S100PBP: variants seen among roughly 807,000 people sequenced by gnomAD.
S100PBP encodes the protein S100P binding protein.
In S100PBP, 15 loss-of-function variants were observed where a neutral mutation model predicts 39.9. That is an observed-to-expected ratio of 0.38 (90% confidence interval 0.25 to 0.58). The LOEUF (loss-of-function observed/expected upper bound fraction) is 0.58. S100PBP is among the 20% of genes least tolerant of loss of function. The probability of loss-of-function intolerance (pLI) is 0.70; values close to 1 mark genes in which losing one functional copy is unlikely to be tolerated. For synonymous variants in S100PBP, 178 were observed against 180.3 expected (o/e 0.99, Z 0.10); for missense variants, 504 against 487.3 (o/e 1.03, Z -0.32).
chr1:32,856,370 C>T lies in S100PBP; in HGVS notation c.*332C>T, dbSNP rs1197362462. 1 of 168,598 alleles carries T rather than the reference C, an allele frequency of 5.9e-6. No individual in the cohort carries two copies. Among genetic ancestry groups the T allele is most frequent in the African/African-American group, 2.4e-5 (1 of 41,618 alleles). The allele number at this position is 168,598 out of a possible 1,614,324, so 10.4% of individuals were successfully genotyped here. On this transcript the variant is annotated 3_prime_UTR_variant, in exon 7 of 7. Coordinates refer to ENST00000373475, the MANE Select transcript of S100PBP (RefSeq NM_022753.4). ...ACCCAGGTTCAAGCAAAAGACCCAC[C>T]TCTCTGCAGAGGCAAAGTCTACTTT...
chr1:32,822,474 G>A (rs892950026), intron 1 of S100PBP, among the ~76,000 whole-genome samples: 1 of 151,870 alleles, frequency 6.6e-6, no homozygotes, highest in African/African-American at 2.4e-5. Flanking sequence ...TTAGCCAGGC[G>A]TGGTGGCGGG....
In S100PBP at chr1:32,855,931, G is replaced by T. The variant is rs778880970; in HGVS notation, c.1120G>T (p.Ala374Ser). 5 of 1,610,836 alleles carry T rather than the reference G, an allele frequency of 3.1e-6. No homozygotes were observed. The highest frequency in any genetic ancestry group is 4.2e-6 in the Non-Finnish European group (5 of 1,178,184). ...HPSDLTTRNY[A>S]RRQKHLQRYS... is the part of the protein sequence containing the mutation. ...CTCTCCCTCTCTCGATAGAAACTAC[G>T]CCCGCCGACAGAAACATCTGCAAAG... The change falls in exon 7 of 7, where the codon GCC (alanine) becomes TCC (serine). Residue 374 changes from alanine to serine, a missense_variant. Physicochemically the swap from Ala to Ser is moderately conservative, Grantham distance 99. Transcript: ENST00000373475.
chr1:32,831,985 A>G lies in S100PBP; in HGVS notation c.1024+1918A>G, dbSNP rs553700680. Among the ~76,000 whole-genome samples the G allele has an allele frequency of 6.4e-4, 98 of 152,284 alleles. 3 individuals are homozygous for G. In the South Asian group the frequency reaches 0.019, roughly 30 times the overall value. On this transcript the variant is annotated intron_variant, in intron 5 of 6. Transcript: ENST00000373475. Reference sequence around the variant, plus strand: ...GTTCCTTTCCCAGTATTACCACAACAATCTATATCCCATGAAGAATAGCTA... The same window carrying G: ...GTTCCTTTCCCAGTATTACCACAACGATCTATATCCCATGAAGAATAGCTA...
intron 6 of S100PBP, among the ~76,000 whole-genome samples, chr1:32,854,790 C>T (rs1272985740): frequency 2.0e-5 from 3 of 152,210 alleles, no homozygotes; most frequent in Non-Finnish European, 2.9e-5. Flanking sequence ...TACTCTTCCT[C>T]TTGCTTCAGG....
intron 1 of S100PBP, among the ~76,000 whole-genome samples, chr1:32,819,251 G>A (rs1209348349): frequency 2.0e-5 from 3 of 152,070 alleles, no homozygotes; most frequent in Non-Finnish European, 4.4e-5. Flanking sequence ...TTAGAAGATC[G>A]GAAAAATATT....
intron 5 of S100PBP, among the ~76,000 whole-genome samples, chr1:32,841,759 G>T (rs1210005293): frequency 1.3e-5 from 2 of 149,414 alleles, no homozygotes; most frequent in African/African-American, 4.9e-5. Context: ...AAAAATTACG[G>T]ATTATGCTTT....
chr1:32,836,652 C>G (rs987014000), intron 5 of S100PBP: 2 of 842,102 alleles, frequency 2.4e-6, no homozygotes, highest in Non-Finnish European at 1.4e-6. Context: ...TTTCCTAGAG[C>G]CTTCTGTTCT....
chr1:32,816,849 C>T (rs2148620475), upstream of S100PBP: 2 of 489,228 alleles, frequency 4.1e-6, no homozygotes, highest in African/African-American at 3.9e-5. Context: ...CGTCTGATCC[C>T]CTTCAGACAA....
intron 5 of S100PBP, among the ~76,000 whole-genome samples, chr1:32,852,245 A>G (rs1436992660): frequency 2.0e-5 from 3 of 152,060 alleles, no homozygotes; most frequent in African/African-American, 7.2e-5. Context: ...CCCAAGAGGC[A>G]GAGGTTGCAG....
rs956304009 is a variant in S100PBP at position 32,825,423 on chromosome 1, C to T, written c.-9C>T. 6.6e-6 allele frequency: 1 copy of T among 152,290 alleles called. No homozygotes were observed. The highest frequency in any genetic ancestry group is 1.9e-4 in the East Asian group (1 of 5,190). 9.4% of individuals were successfully genotyped at this position (152,290 alleles called of 1,614,324 possible). A position where few individuals can be genotyped will look rare whatever the true frequency, so the allele number is the denominator to read the frequency against. On this transcript the variant is annotated 5_prime_UTR_variant, in exon 2 of 7. Coordinates refer to ENST00000373475, the MANE Select transcript of S100PBP (RefSeq NM_022753.4). The stretch of plus-strand genomic sequence containing the variant: ...AAAGGCAGAGATTGCTCCAGCAGCT[C>T]CACACAGTATGGAAGACAGTTATTT...
Position 32,857,586 on chromosome 1 carries a change from C to T in S100PBP, c.*1548C>T, listed in dbSNP as rs1301378564. ...TCGGCCTCCTAAAGTGCTGGGATTA[C>T]AGGCATGAGCCACTGCACCTGGCCG... On this transcript the variant is annotated 3_prime_UTR_variant, in exon 7 of 7. Coordinates refer to ENST00000373475, the MANE Select transcript of S100PBP (RefSeq NM_022753.4). 3 of 152,302 alleles carry T rather than the reference C, an allele frequency of 2.0e-5. No homozygotes were observed. The highest frequency in any genetic ancestry group is 4.4e-5 in the Non-Finnish European group (3 of 68,130). 9.4% of individuals were successfully genotyped at this position (152,302 alleles called of 1,614,324 possible).
chr1:32,842,326 A>G (rs934065457), intron 5 of S100PBP, among the ~76,000 whole-genome samples: 2 of 148,976 alleles, frequency 1.3e-5, no homozygotes, highest in African/African-American at 4.9e-5. Flanking sequence ...CTTCTTTACC[A>G]TTTATTGAAA....
chr1:32,844,068 C>T (rs12730942), intron 5 of S100PBP, among the ~76,000 whole-genome samples: 66 of 152,084 alleles, frequency 4.3e-4, no homozygotes, highest in Non-Finnish European at 8.5e-4. Context: ...CGCCTGCCAC[C>T]ATGCCTGGCT....
intron 5 of S100PBP, among the ~76,000 whole-genome samples, chr1:32,838,235 G>A (rs1023488863): frequency 4.6e-5 from 7 of 151,370 alleles, no homozygotes. Flanking sequence ...TCGAGAGGCT[G>A]AGGCAGGAGA....
At chr1:32,829,921 T>G (rs1639517652) in intron 4 of S100PBP, 43 bp from the exon 5 acceptor site, 1 of 1,377,756 alleles carries the variant, frequency 7.3e-7, no homozygotes, top group Non-Finnish European at 1.0e-6. Context: ...TATTCCTGTT[T>G]CTAATGGGCT....
Position 32,856,247 on chromosome 1 carries a change from C to T in S100PBP, c.*209C>T. On this transcript the variant is annotated 3_prime_UTR_variant, in exon 7 of 7. Coordinates refer to ENST00000373475, the MANE Select transcript of S100PBP (RefSeq NM_022753.4). The stretch of plus-strand genomic sequence containing the variant: ...CCCTCCTGATTTTGTGTGTGTGTGT[C>T]TGTGTTTAAGCAAGCGTTCGGTTGG... The T allele has an allele frequency of 2.7e-6, 1 of 373,032 alleles. No individual in the cohort carries two copies. Among genetic ancestry groups the T allele is most frequent in the Non-Finnish European group, 5.0e-6 (1 of 201,146 alleles). The allele number at this position is 373,032 out of a possible 1,614,324, so 23.1% of individuals were successfully genotyped here. A position where few individuals can be genotyped will look rare whatever the true frequency, so the allele number is the denominator to read the frequency against.
In S100PBP at chr1:32,856,304, T is replaced by G. The variant is rs1048012274; in HGVS notation, c.*266T>G. ...TTTTTTTTGTTTTTTTAATTTAAAT[T>G]GAAGGTAGCTGCCTCCTGAAAGCCA... On this transcript the variant is annotated 3_prime_UTR_variant, in exon 7 of 7. Transcript: ENST00000373475. The G allele has an allele frequency of 4.9e-6, 1 of 202,484 alleles. No homozygotes were observed. Among genetic ancestry groups the G allele is most frequent in the Non-Finnish European group, 1.0e-5 (1 of 98,166 alleles). 12.5% of individuals were successfully genotyped at this position (202,484 alleles called of 1,614,324 possible).
intron 1 of S100PBP, among the ~76,000 whole-genome samples, chr1:32,823,172 C>T (rs369122342): frequency 3.3e-4 from 51 of 152,322 alleles, no homozygotes; most frequent in African/African-American, 9.6e-4. Flanking sequence ...CAACCAAGGG[C>T]TTGAACTAGA....
In S100PBP at chr1:32,826,472, C is replaced by A; in HGVS notation, c.373C>A (p.His125Asn). Reference sequence around the variant, plus strand: ...ACCTCAGCTAAGTACATCAAGTGGTCATGGACCAGCTCATACTAAACCATT... The same window carrying A: ...ACCTCAGCTAAGTACATCAAGTGGTAATGGACCAGCTCATACTAAACCATT... ...KLPQLSTSSG[H>N]GPAHTKPLNR... Residue 125 changes from histidine to asparagine, a missense_variant, in exon 3 of 7, where the codon CAT becomes AAT. By Grantham distance (68) the His-to-Asn change is moderately conservative (BLOSUM62 1). Transcript: ENST00000373475. 1 of 1,614,088 alleles carries A rather than the reference C, an allele frequency of 6.2e-7. No individual in the cohort carries two copies. The highest frequency in any genetic ancestry group is 1.1e-5 in the South Asian group (1 of 91,028).
Sources: gnomAD v4.1 joint callset for allele counts (sites outside exome capture counted in the v4.1 genomes callset) on GRCh38, gnomAD v4.1.1 for gene constraint, MANE v1.5 for transcripts, NCBI Gene and HGNC (gene_info 2026-07-23, HGNC 2026-07-21) for gene names.